Variants in ASXL3 observed in about 807,000 individuals in gnomAD.
ASXL3 encodes the protein ASXL transcriptional regulator 3.
ASXL3 carries 34 observed loss-of-function variants against 170.6 expected under a neutral mutation model. That is an observed-to-expected ratio of 0.20 (90% CI 0.15 to 0.27). The LOEUF (loss-of-function observed/expected upper bound fraction) is 0.27. Ranked by LOEUF, ASXL3 falls within the 10% of genes least tolerant of loss-of-function variation. The pLI, the probability that ASXL3 is intolerant of heterozygous loss-of-function variation, is 1.00. For missense variants in ASXL3, 2,592 were observed against 2,695.3 expected (o/e 0.96, Z 0.85); for synonymous variants, 1,002 against 989.1 (o/e 1.01, Z -0.24).
rs1491440115 is a variant in ASXL3, at chr18:33,593,259, T to TC, written c.55-14335_55-14334insC. On this transcript the variant is annotated intron_variant, in intron 1 of 11. Coordinates refer to ENST00000269197, the MANE Select transcript of ASXL3 (RefSeq NM_030632.3). ...TTTTCTTTCTCCCCCTATGCCCACC[T>TC]TTTTTTTTTTTTTTTTTTTTTTGGC... 6.5e-3 allele frequency among the ~76,000 whole-genome samples: 453 copies of TC among 69,992 alleles called. 3 individuals are homozygous for TC. Among genetic ancestry groups the TC allele is most frequent in the African/African-American group, 0.024 (413 of 17,356 alleles). 45.9% of individuals were successfully genotyped at this position (69,992 alleles called of 152,430 possible).
chr18:33,593,595 G>A (rs770620780), intron 1 of ASXL3, among the ~76,000 whole-genome samples: 2 of 152,126 alleles, frequency 1.3e-5, no homozygotes, highest in African/African-American at 4.8e-5. Flanking sequence ...GACGAGCGAC[G>A]TTTGTCCAGT....
At chr18:33,693,912 TGGA>T (rs946183260) in intron 8 of ASXL3, among the ~76,000 whole-genome samples, 1 of 152,086 alleles carries the variant, frequency 6.6e-6, no homozygotes, top group African/African-American at 2.4e-5. Flanking sequence ...AAAGTAAGGT[TGGA>T]GGAGCTGGGC....
chr18:33,587,215 A>T (rs2065041863), intron 1 of ASXL3, among the ~76,000 whole-genome samples: 1 of 152,196 alleles, frequency 6.6e-6, no homozygotes, highest in Non-Finnish European at 1.5e-5. Context: ...TATATCATTG[A>T]ATTTTCTAAT....
In ASXL3 at chr18:33,746,314, A is replaced by G. The variant is rs372778403; in HGVS notation, c.6466A>G (p.Thr2156Ala). 1.1e-5 allele frequency: 18 copies of G among 1,614,042 alleles called. No individual in the cohort carries two copies. In the African/African-American group the frequency reaches 1.9e-4, roughly 17 times the overall value. Residue 2156 changes from threonine (T) to alanine (A), a missense_variant, in exon 12 of 12, where the codon ACA (threonine) becomes GCA (alanine). Around this residue, in one of 4 missense-constraint regions of ASXL3, gnomAD observed 2,246 missense variants for 2,219.6 expected, o/e 1.01. Transcript: ENST00000269197. ...QQQQLCGNYP[T>A]IHFGSTSFKR... is the part of the protein sequence containing the mutation. The stretch of plus-strand genomic sequence containing the variant: ...ACAGCAGCTCTGTGGAAATTATCCA[A>G]CAATACACTTTGGTAGCACGAGTTT...
In ASXL3 at chr18:33,745,946, C is replaced by G. The variant is rs764352879; in HGVS notation, c.6098C>G (p.Pro2033Arg). The G allele has an allele frequency of 1.5e-6, 2 of 1,324,946 alleles. No individual in the cohort carries two copies. Among genetic ancestry groups the G allele is most frequent in the Non-Finnish European group, 2.0e-6 (2 of 994,242 alleles). The allele number at this position is 1,324,946 out of a possible 1,614,324, so 82.1% of individuals were successfully genotyped here. Residue 2033 changes from proline to arginine, a missense_variant, in exon 12 of 12, where the codon CCG becomes CGG. Pro to Arg is a moderately radical substitution (Grantham distance 103, BLOSUM62 -2). Around this residue, in one of 4 missense-constraint regions of ASXL3, gnomAD observed 2,246 missense variants for 2,219.6 expected, o/e 1.01. Transcript: ENST00000269197. ...CCCCCTCCACCCTTGGCTTTGCCCC[C>G]GCCTCCCCCCCCACCACCTCCGCTA... The part of the protein sequence containing the change: ...PPPPPPLALP[P>R]PPPPPPPLPP...
chr18:33,607,214 T>A (rs1306531606), intron 1 of ASXL3, among the ~76,000 whole-genome samples: 21 of 152,002 alleles, frequency 1.4e-4, no homozygotes, highest in Non-Finnish European at 3.1e-4. Flanking sequence ...AGGCTCCATG[T>A]TTCCAAGGAC....
intron 2 of ASXL3, among the ~76,000 whole-genome samples, chr18:33,613,323 C>G (rs1256253424): frequency 2.0e-5 from 3 of 152,090 alleles, no homozygotes; most frequent in African/African-American, 4.8e-5. Flanking sequence ...GATTATTGCA[C>G]TATCTTCTTA....
At chr18:33,614,195 C>T (rs772967849) in intron 2 of ASXL3, 1 of 152,096 alleles carries the variant, frequency 6.6e-6, no homozygotes, top group Non-Finnish European at 1.5e-5. Context: ...GTCAGCCCTC[C>T]CAAACCATGC....
At chr18:33,588,248 C>G (rs1026029091) in intron 1 of ASXL3, among the ~76,000 whole-genome samples, 3 of 152,030 alleles carry the variant, frequency 2.0e-5, no homozygotes, top group Admixed American at 1.3e-4. Context: ...GGAAAGGACT[C>G]CCTTAATCCT....
At chr18:33,647,348 G>A (rs961730250) in intron 4 of ASXL3, among the ~76,000 whole-genome samples, 1 of 152,046 alleles carries the variant, frequency 6.6e-6, no homozygotes, top group Admixed American at 6.6e-5. Context: ...TGAATTTAAT[G>A]TAGGAAAAAC....
intron 8 of ASXL3, among the ~76,000 whole-genome samples, chr18:33,721,119 A>G (rs989902113): frequency 2.6e-5 from 4 of 152,066 alleles, no homozygotes; most frequent in Non-Finnish European, 5.9e-5. Flanking sequence ...TCTTAGAATA[A>G]GAGAATTGTT....
intron 8 of ASXL3, among the ~76,000 whole-genome samples, chr18:33,712,083 T>G (rs2067075582): frequency 6.6e-6 from 1 of 152,210 alleles, no homozygotes; most frequent in African/African-American, 2.4e-5. Context: ...GATAATGTAT[T>G]GGCAAAAATT....
intron 1 of ASXL3, among the ~76,000 whole-genome samples, chr18:33,586,084 C>A (rs1347228591): frequency 6.6e-6 from 1 of 152,072 alleles, no homozygotes; most frequent in African/African-American, 2.4e-5. Flanking sequence ...ATACTATTAA[C>A]CATAATGTAT....
chr18:33,722,010 T>C (rs1209062867), intron 8 of ASXL3, among the ~76,000 whole-genome samples: 2 of 152,088 alleles, frequency 1.3e-5, no homozygotes, highest in African/African-American at 4.8e-5. Context: ...ATGATATTTT[T>C]TACTATCGCA....
intron 1 of ASXL3, among the ~76,000 whole-genome samples, chr18:33,605,985 C>T (rs1471785200): frequency 6.6e-6 from 1 of 151,970 alleles, no homozygotes; most frequent in Non-Finnish European, 1.5e-5. Flanking sequence ...ACAGCATCTC[C>T]TTTCAGTAAT....
rs141843355 is a variant in ASXL3, at chr18:33,664,982, G to A, written c.477+3245G>A. 8.7e-3 allele frequency among the ~76,000 whole-genome samples: 1,321 copies of A among 152,222 alleles called. 67 individuals carry two copies. The highest frequency in any genetic ancestry group is 0.076 in the Admixed American group (1,157 of 15,280). ...TTTTTCTGCATAAGCATATTCAGAA[G>A]CCTCTGGAGAGCAGCAGATTGCTGA... On this transcript the variant is annotated intron_variant, in intron 5 of 11. Coordinates refer to ENST00000269197, the MANE Select transcript of ASXL3 (RefSeq NM_030632.3).
At chr18:33,676,738 G>A (rs7240876) in intron 7 of ASXL3, among the ~76,000 whole-genome samples, 85,505 of 151,976 alleles carry the variant, frequency 0.56, 24,683 homozygotes, top group East Asian at 0.9. Context: ...TTTGAAGCAT[G>A]TGTTTTTCTT....
chr18:33,633,197 A>C (rs753803338), intron 2 of ASXL3, among the ~76,000 whole-genome samples: 15 of 152,226 alleles, frequency 9.9e-5, no homozygotes, highest in Non-Finnish European at 2.2e-4. Context: ...AGCTATTAAA[A>C]TTTACAAAGC....
At chr18:33,587,475 GATAGCAA>G (rs1354922347) in intron 1 of ASXL3, among the ~76,000 whole-genome samples, 3 of 151,898 alleles carry the variant, frequency 2.0e-5, no homozygotes, top group African/African-American at 7.3e-5. Flanking sequence ...AAAGTCTTTG[GATAGCAA>G]ATATTCTTAG....
Sources: gnomAD v4.1 joint callset for allele counts (sites outside exome capture counted in the v4.1 genomes callset) on GRCh38, gnomAD v4.1.1 for gene constraint, gnomAD v4.1.1 regional missense constraint, MANE v1.5 for transcripts, NCBI Gene and HGNC (gene_info 2026-07-23, HGNC 2026-07-21) for gene names.